Variants in COL6A3 observed in about 807,000 individuals in gnomAD.
COL6A3 encodes the protein collagen alpha-3(VI) chain.
COL6A3 carries 137 observed loss-of-function variants against 274.1 expected under a neutral mutation model. The observed-to-expected ratio is 0.50, with a 90% confidence interval of 0.44 to 0.58. COL6A3 has a LOEUF of 0.58. Among genes scored for constraint, COL6A3 ranks in the 20% least tolerant of loss-of-function variants. The pLI is 0.00. For missense variants in COL6A3, 3,950 were observed against 4,124.9 expected (o/e 0.96, Z 1.16); for synonymous variants, 1,650 against 1,650.6 (o/e 1.00, Z 0.01).
chr2:237,364,208 C>G lies in COL6A3; in HGVS notation c.5917+142G>C. ...CAGCTCCAAGCAGGTGATGAAGGGC[C>G]ACAACGCTGGGAGGAAGAGTCTCCC... On this transcript the variant is annotated intron_variant, in intron 13 of 43. Transcript: ENST00000295550. The surrounding 1 kb of genome is among the most constrained non-coding windows in gnomAD (Gnocchi z 4.6). 13 of 720,958 alleles carry G rather than the reference C, an allele frequency of 1.8e-5. No homozygotes were observed. In the Middle Eastern group the frequency reaches 4.4e-3, roughly 243 times the overall value. 44.7% of individuals were successfully genotyped at this position (720,958 alleles called of 1,614,324 possible).
At position 237,374,860 on chromosome 2, in the gene COL6A3, C is replaced by T. The variant is rs779484426; in HGVS notation, c.3231G>A (p.Arg1077=). 5.6e-6 allele frequency: 9 copies of T among 1,613,774 alleles called. No homozygotes were observed. The African/African-American group carries it at 1.2e-4, about 22-fold the overall frequency. The part of the protein sequence containing the change: ...VAVVQYSDRT[R]PEFYLNSYMN... ...TGTATGAATTCAGGTAGAACTCGGG[C>T]CTGGTCCGGTCGCTGTACTGCACCA... The change falls in exon 8 of 44, where the codon AGG becomes AGA. Residue 1077 remains arginine, a synonymous_variant. Coordinates refer to ENST00000295550, the MANE Select transcript of COL6A3 (RefSeq NM_004369.4). The surrounding 1 kb of genome is among the most constrained non-coding windows in gnomAD (Gnocchi z 4.8).
intron 4 of COL6A3, 38 bp downstream of exon 4, chr2:237,387,544 C>T (rs918852848): frequency 1.9e-6 from 3 of 1,613,346 alleles, no homozygotes; most frequent in Non-Finnish European, 2.5e-6. Context: ...ACACACAACA[C>T]CCCACTCCCA....
intron 5 of COL6A3, among the ~76,000 whole-genome samples, chr2:237,380,025 C>T (rs2106368464): frequency 6.6e-6 from 1 of 152,316 alleles, no homozygotes; most frequent in Admixed American, 6.5e-5. Flanking sequence ...TTATTTCTTC[C>T]CTGATGCCCT....
chr2:237,357,151 G>T (rs2077336472), intron 23 of COL6A3, 187 bp downstream of exon 23: 1 of 723,848 alleles, frequency 1.4e-6, no homozygotes, highest in Non-Finnish European at 2.5e-6. Context: ...GAATTGGGGA[G>T]AGAGAAGAGA....
At chr2:237,370,060 C>G (rs2077649812) in intron 9 of COL6A3, among the ~76,000 whole-genome samples, 1 of 151,586 alleles carries the variant, frequency 6.6e-6, no homozygotes, top group South Asian at 2.1e-4. Context: ...GAGGGTCTCA[C>G]TGTGTTGCCC....
At chr2:237,345,847 C>A (rs948742331) in intron 32 of COL6A3, among the ~76,000 whole-genome samples, 2 of 152,204 alleles carry the variant, frequency 1.3e-5, no homozygotes, top group African/African-American at 2.4e-5. Flanking sequence ...ACCTGACCAG[C>A]TTTCTTTTCC....
intron 3 of COL6A3, among the ~76,000 whole-genome samples, chr2:237,392,049 AT>A (rs2078302618): frequency 4.6e-5 from 7 of 152,042 alleles, no homozygotes; most frequent in Admixed American, 4.6e-4. Flanking sequence ...GAGGCCTGTC[AT>A]TTGGAAGCAG....
chr2:237,369,759 G>A (rs1254823645), intron 9 of COL6A3, among the ~76,000 whole-genome samples: 3 of 152,084 alleles, frequency 2.0e-5, no homozygotes, highest in Non-Finnish European at 4.4e-5. Flanking sequence ...TTGTGCCCTC[G>A]TATTTCCTTT....
rs2078500809 is a variant in COL6A3, at chr2:237,398,249, C to T, written c.-30-1402G>A. On this transcript the variant is annotated intron_variant, in intron 1 of 43. Coordinates refer to ENST00000295550, the MANE Select transcript of COL6A3 (RefSeq NM_004369.4). ...TGATTTAATTAGTAAGACTGTGAAG[C>T]CAGACCTGGAGGCTAACTGCCCTGA... Among the ~76,000 whole-genome samples the T allele has an allele frequency of 3.3e-5, 5 of 152,242 alleles. No homozygotes were observed. In the South Asian group the frequency reaches 1.0e-3, roughly 31 times the overall value.
chr2:237,331,338 C>T (rs1272664297), intron 42 of COL6A3, among the ~76,000 whole-genome samples: 2 of 152,086 alleles, frequency 1.3e-5, no homozygotes, highest in East Asian at 1.9e-4. Flanking sequence ...AAAAAATTTT[C>T]CCCCCACCCC....
intron 27 of COL6A3, among the ~76,000 whole-genome samples, chr2:237,350,733 G>A (rs72986114): frequency 0.026 from 4,000 of 152,304 alleles, 76 homozygotes; most frequent in South Asian, 0.041. Flanking sequence ...GCCACTGTGC[G>A]TGCACTGCCC....
At position 237,394,745 on chromosome 2, in the gene COL6A3, G is replaced by A. The variant is rs774313593; in HGVS notation, c.551C>T (p.Ala184Val). ...CGGTTCACTTGCTATTTCTTTTAAC[G>A]CTCCTTCATCTGCATCCTCAACTCC... ...AIGVEDADEG[A>V]LKEIASEPLN... Residue 184 changes from alanine to valine, a missense_variant, in exon 3 of 44, where the codon GCG becomes GTG. This residue lies in a region of COL6A3 where 1,934 missense variants were observed against 1,984.3 expected (regional missense o/e 0.97). Transcript: ENST00000295550. The A allele has an allele frequency of 9.3e-6, 15 of 1,613,984 alleles. No individual in the cohort carries two copies. The highest frequency in any genetic ancestry group is 1.1e-5 in the South Asian group (1 of 91,080).
chr2:237,365,971 C>G lies in COL6A3; in HGVS notation c.5565G>C (p.Gln1855His). 6.2e-7 allele frequency: 1 copy of G among 1,614,022 alleles called. No homozygotes were observed. The change falls in exon 12 of 44, where the codon CAG becomes CAC. Residue 1855 changes from glutamine (Q) to histidine (H), a missense_variant. Gln to His is a conservative substitution (Grantham distance 24). Transcript: ENST00000295550. ...CGTCCACCTTGGACTCGAAGCCCTT[C>G]TGGGCCACAAAAACATTCTGGTCTC... Reference protein sequence around the residue: ...GSRDQNVFVAQKGFESKVDAI... With the variant: ...GSRDQNVFVAHKGFESKVDAI...
At chr2:237,355,327 G>C (rs2077295319) in intron 23 of COL6A3, 1 of 195,696 alleles carries the variant, frequency 5.1e-6, no homozygotes, top group African/African-American at 2.3e-5. Flanking sequence ...ACTGTACTGA[G>C]AAGTCATGAA....
chr2:237,352,634 A>G, intron 25 of COL6A3, 50 bp from the exon 26 acceptor site: 2 of 1,546,180 alleles, frequency 1.3e-6, no homozygotes, highest in Non-Finnish European at 1.8e-6. Flanking sequence ...ACTTTCCATG[A>G]GAAGCCTCTG....
intron 12 of COL6A3, among the ~76,000 whole-genome samples, chr2:237,365,232 C>T (rs1480731567): frequency 6.6e-6 from 1 of 150,834 alleles, no homozygotes; most frequent in African/African-American, 2.4e-5. Flanking sequence ...GCCGACACCT[C>T]GAGGATGTCA....
chr2:237,348,718 C>T, intron 28 of COL6A3, 55 bp from the exon 29 acceptor site: 1 of 1,519,458 alleles, frequency 6.6e-7, no homozygotes, highest in Non-Finnish European at 9.1e-7. Flanking sequence ...ACACCATAAC[C>T]ACCGTCTCTG....
chr2:237,337,636 C>A (rs1700615334), intron 39 of COL6A3, among the ~76,000 whole-genome samples: 1 of 152,236 alleles, frequency 6.6e-6, no homozygotes, highest in Non-Finnish European at 1.5e-5. Context: ...TCAGAATCTG[C>A]AGAATCTGCA....
At chr2:237,377,459 C>T in intron 6 of COL6A3, 115 bp from the exon 7 acceptor site, 3 of 998,520 alleles carry the variant, frequency 3.0e-6, no homozygotes, top group South Asian at 1.3e-5. Flanking sequence ...CTGATGACCA[C>T]TGTGCCAGCA....
Sources: allele counts gnomAD v4.1 joint callset (sites outside exome capture counted in the v4.1 genomes callset), GRCh38; gene constraint gnomAD v4.1.1; regional missense constraint gnomAD v4.1.1; non-coding constraint Gnocchi (gnomAD v3.1); transcripts MANE v1.5; gene names NCBI Gene and HGNC (gene_info 2026-07-23, HGNC 2026-07-21).